The following KDM4C variants were observed in gnomAD, a reference collection of about 807,000 sequenced individuals.
KDM4C encodes lysine-specific demethylase 4C.
Under a neutral mutation model 129.3 loss-of-function variants are expected in KDM4C, and 81 were observed. That is an observed-to-expected ratio of 0.63 (90% CI 0.52 to 0.75). The LOEUF (loss-of-function observed/expected upper bound fraction) is 0.75, where lower values mean the gene tolerates loss of function less well. Ranked by LOEUF, KDM4C falls within the 30% of genes least tolerant of loss-of-function variation. The pLI is 0.00. For missense variants in KDM4C, 1,457 were observed against 1,304.0 expected, an observed-to-expected ratio of 1.12 and a Z score of -1.81; for synonymous variants, 573 against 456.1, an observed-to-expected ratio of 1.26 and a Z score of -3.26.
intron 1 of KDM4C, among the ~76,000 whole-genome samples, chr9:6,760,439 T>C (rs1311574554): frequency 8.5e-6 from 1 of 118,220 alleles, no homozygotes; most frequent in Non-Finnish European, 1.7e-5. Flanking sequence ...TTTTCTCTAC[T>C]CTTGGGTATA....
At chr9:7,152,425 A>C (rs926340036) in intron 19 of KDM4C, among the ~76,000 whole-genome samples, 17 of 152,256 alleles carry the variant, frequency 1.1e-4, no homozygotes, top group African/African-American at 4.1e-4. Flanking sequence ...GCAAATAGCA[A>C]GGTACAAAAT....
At chr9:6,831,838 C>G (rs975516102) in intron 4 of KDM4C, among the ~76,000 whole-genome samples, 2 of 152,162 alleles carry the variant, frequency 1.3e-5, no homozygotes, top group African/African-American at 4.8e-5. Context: ...CCAGAAAGAA[C>G]CCTGTACTGT....
intron 8 of KDM4C, among the ~76,000 whole-genome samples, chr9:6,918,431 C>T (rs1183881733): frequency 2.0e-5 from 3 of 152,106 alleles, no homozygotes; most frequent in Non-Finnish European, 2.9e-5. Flanking sequence ...TGGATGGGCA[C>T]TTAGGTTTAG....
At chr9:6,776,598 CT>C (rs34450311) in intron 1 of KDM4C, among the ~76,000 whole-genome samples, 3,131 of 106,182 alleles carry the variant, frequency 0.029, 63 homozygotes, top group African/African-American at 0.053. Flanking sequence ...CTCAAACCCA[CT>C]TTTTTTTTTT....
intron 1 of KDM4C, among the ~76,000 whole-genome samples, chr9:6,742,121 T>C (rs7027279): frequency 0.26 from 39,844 of 151,442 alleles, 5,408 homozygotes; most frequent in East Asian, 0.44. Context: ...TAGAGGTGTG[T>C]GCCACCATGC....
intron 1 of KDM4C, among the ~76,000 whole-genome samples, chr9:6,752,108 C>T (rs188548004): frequency 0.017 from 2,567 of 150,114 alleles, 33 homozygotes; most frequent in Middle Eastern, 0.051. Context: ...CCGAGACGGG[C>T]GGATCACGAG....
At chr9:7,146,725 A>AGTTAT (rs1842246941) in intron 19 of KDM4C, among the ~76,000 whole-genome samples, 1 of 152,130 alleles carries the variant, frequency 6.6e-6, no homozygotes, top group Admixed American at 6.6e-5. Flanking sequence ...CCACCCATCT[A>AGTTAT]CTTATTAGCC....
chr9:6,859,467 C>CT lies in KDM4C; in HGVS notation c.629+9768dup, dbSNP rs1216931333. Reference sequence around the variant, plus strand: ...TCCAGCCTGGCGACAGAGCGGGACTCTGTCTCAAAAAAAAAAAAAAAAAAA... The same window carrying CT: ...TCCAGCCTGGCGACAGAGCGGGACTCTTGTCTCAAAAAAAAAAAAAAAAAAA... On this transcript the variant is annotated intron_variant, in intron 5 of 21. Coordinates refer to ENST00000381309, the MANE Select transcript of KDM4C (RefSeq NM_015061.6). 5.6e-5 allele frequency among the ~76,000 whole-genome samples: 6 copies of CT among 107,076 alleles called. No individual in the cohort carries two copies. In the East Asian group the frequency reaches 1.7e-3, roughly 31 times the overall value. The allele number at this position is 107,076 out of a possible 152,430, so 70.2% of individuals were successfully genotyped here. A position where few individuals can be genotyped will look rare whatever the true frequency, so the allele number is the denominator to read the frequency against.
intron 4 of KDM4C, among the ~76,000 whole-genome samples, chr9:6,838,245 A>T (rs1159265286): frequency 1.3e-5 from 2 of 152,128 alleles, no homozygotes; most frequent in African/African-American, 4.8e-5. Context: ...AAGACAACTC[A>T]ATATTAGTGG....
chr9:6,920,722 T>C (rs1821355421), intron 8 of KDM4C, among the ~76,000 whole-genome samples: 1 of 152,058 alleles, frequency 6.6e-6, no homozygotes, highest in Non-Finnish European at 1.5e-5. Flanking sequence ...TGTGAAAGGG[T>C]CTGAAGGTGT....
chr9:7,072,522 A>C (rs1175683229), intron 17 of KDM4C, among the ~76,000 whole-genome samples: 1 of 152,204 alleles, frequency 6.6e-6, no homozygotes. Context: ...GCCTGACTCA[A>C]AAGGCTCCGT....
chr9:6,828,673 C>A (rs1588545851), intron 4 of KDM4C, among the ~76,000 whole-genome samples: 1 of 148,518 alleles, frequency 6.7e-6, no homozygotes, highest in South Asian at 2.1e-4. Context: ...GAGTTCGAGA[C>A]CAACCTGGCC....
intron 8 of KDM4C, among the ~76,000 whole-genome samples, chr9:6,952,431 A>ATAT (rs71506090): frequency 1.7e-3 from 239 of 138,372 alleles, no homozygotes; most frequent in African/African-American, 6.2e-3. Flanking sequence ...ATATATATAT[A>ATAT]ATAATAATTA....
intron 5 of KDM4C, among the ~76,000 whole-genome samples, chr9:6,857,987 C>T (rs993807444): frequency 1.1e-4 from 16 of 141,244 alleles, no homozygotes; most frequent in African/African-American, 4.1e-4. Context: ...TGGCCTGGAA[C>T]TCCTGAGCTA....
chr9:7,093,627 C>T (rs188882706), intron 17 of KDM4C, among the ~76,000 whole-genome samples: 739 of 152,038 alleles, frequency 4.9e-3, no homozygotes, highest in South Asian at 0.014. Context: ...TTTGGTAAAG[C>T]GTATGGACCT....
chr9:6,956,995 C>G (rs1353650254), intron 8 of KDM4C, among the ~76,000 whole-genome samples: 1 of 152,162 alleles, frequency 6.6e-6, no homozygotes, highest in Non-Finnish European at 1.5e-5. Flanking sequence ...CAGTCTTTCT[C>G]ACAGTTGCAG....
chr9:7,040,975 CT>C, intron 15 of KDM4C, among the ~76,000 whole-genome samples: 1 of 150,618 alleles, frequency 6.6e-6, no homozygotes, highest in South Asian at 2.1e-4. Flanking sequence ...ATTATCACCC[CT>C]TTTCTCTTTT....
intron 5 of KDM4C, among the ~76,000 whole-genome samples, chr9:6,853,128 A>C (rs1839161021): frequency 6.6e-6 from 1 of 152,020 alleles, no homozygotes; most frequent in Admixed American, 6.6e-5. Context: ...GTATTGAATT[A>C]GAAGAGTGTT....
chr9:6,967,290 G>T (rs1831156990), intron 8 of KDM4C, among the ~76,000 whole-genome samples: 1 of 152,034 alleles, frequency 6.6e-6, no homozygotes, highest in South Asian at 2.1e-4. Context: ...CGGGCTTGGT[G>T]GCAGGCGCCT....
Sources: allele counts gnomAD v4.1 joint callset (sites outside exome capture counted in the v4.1 genomes callset), GRCh38; gene constraint gnomAD v4.1.1; transcripts MANE v1.5; gene names NCBI Gene and HGNC (gene_info 2026-07-23, HGNC 2026-07-21).